PDE10A: variants seen among roughly 807,000 people sequenced by gnomAD.
The protein encoded by PDE10A is phosphodiesterase 10A, also known as cAMP and cAMP-inhibited cGMP 3',5'-cyclic phosphodiesterase 10A.
PDE10A carries 39 observed loss-of-function variants against 97.7 expected under a neutral mutation model. The ratio of observed to expected loss-of-function variants is 0.40; its 90% CI spans 0.31 to 0.52. The LOEUF is 0.52. Ranked by LOEUF, PDE10A falls within the 20% of genes least tolerant of loss-of-function variation. The pLI is 0.56. For synonymous variants in PDE10A, 371 were observed against 376.8 expected, an observed-to-expected ratio of 0.98 and a Z score of 0.18; for missense variants, 731 against 1,047.8, an observed-to-expected ratio of 0.70 and a Z score of 4.17.
intron 1 of PDE10A, among the ~76,000 whole-genome samples, chr6:165,620,177 G>A (rs555908923): frequency 3.9e-5 from 6 of 152,128 alleles, no homozygotes; most frequent in South Asian, 4.2e-4. Flanking sequence ...CTCCACTTCC[G>A]GGCCACGATA....
chr6:165,809,782 G>A (rs1051653651), intron 1 of PDE10A, among the ~76,000 whole-genome samples: 1 of 152,184 alleles, frequency 6.6e-6, no homozygotes, highest in Non-Finnish European at 1.5e-5. Flanking sequence ...AAGGCACATG[G>A]AAGGCATATT....
chr6:165,385,332 CG>C (rs971815357), intron 17 of PDE10A, among the ~76,000 whole-genome samples: 71 of 150,610 alleles, frequency 4.7e-4, no homozygotes, highest in African/African-American at 1.7e-3. Flanking sequence ...AAGCACAATT[CG>C]GGCATACTGA....
chr6:165,443,698 T>C (rs1790640351), intron 5 of PDE10A, among the ~76,000 whole-genome samples: 1 of 152,212 alleles, frequency 6.6e-6, no homozygotes, highest in Non-Finnish European at 1.5e-5. Flanking sequence ...TGCCTGGATA[T>C]CCAGGCATTT....
At chr6:165,877,680 T>A (rs1000221354) in intron 1 of PDE10A, among the ~76,000 whole-genome samples, 2 of 152,134 alleles carry the variant, frequency 1.3e-5, no homozygotes, top group African/African-American at 2.4e-5. Flanking sequence ...AAAAATCTTA[T>A]CTTAATGTGA....
At chr6:165,498,759 G>A (rs1780699930) in intron 2 of PDE10A, among the ~76,000 whole-genome samples, 1 of 152,168 alleles carries the variant, frequency 6.6e-6, no homozygotes, top group Non-Finnish European at 1.5e-5. Context: ...GTCATGTGCT[G>A]TAAAAGTTCC....
intron 1 of PDE10A, among the ~76,000 whole-genome samples, chr6:165,570,108 T>C (rs1177816949): frequency 6.6e-6 from 1 of 152,172 alleles, no homozygotes; most frequent in Admixed American, 6.5e-5. Context: ...TTTAAGAAGA[T>C]GATTAAGTAA....
At chr6:165,770,791 C>A (rs1195875515) in intron 1 of PDE10A, among the ~76,000 whole-genome samples, 1 of 152,194 alleles carries the variant, frequency 6.6e-6, no homozygotes, top group Non-Finnish European at 1.5e-5. Context: ...ACTCTCGAAC[C>A]ATTTGAGGTC....
At chr6:165,483,244 T>A (rs1478762226) in intron 2 of PDE10A, among the ~76,000 whole-genome samples, 11 of 152,242 alleles carry the variant, frequency 7.2e-5, no homozygotes, top group Admixed American at 7.2e-4. Context: ...CAAACCCTGT[T>A]GTCTGTCACC....
At chr6:165,546,494 C>T (rs780891362) in intron 1 of PDE10A, among the ~76,000 whole-genome samples, 1 of 152,040 alleles carries the variant, frequency 6.6e-6, no homozygotes, top group Non-Finnish European at 1.5e-5. Flanking sequence ...AAATGTATTA[C>T]ACATGTAATA....
At chr6:165,954,155 C>T (rs896496638) in intron 1 of PDE10A, among the ~76,000 whole-genome samples, 9 of 152,220 alleles carry the variant, frequency 5.9e-5, no homozygotes, top group South Asian at 2.1e-4. Flanking sequence ...TTTACCTAAC[C>T]GAGGGTATCC....
intron 1 of PDE10A, among the ~76,000 whole-genome samples, chr6:165,824,358 G>A (rs529806018): frequency 5.8e-4 from 89 of 152,268 alleles, no homozygotes; most frequent in African/African-American, 1.9e-3. Context: ...ATAGCATGTC[G>A]AAATTTTCAA....
chr6:165,577,968 G>A lies in PDE10A; in HGVS notation c.866-34400C>T, dbSNP rs148740578. Reference sequence around the variant, plus strand: ...CATGGGCCCTGCCACTCCTTGCACCGGGTCACCTCTGTGCCATCTCCACAG... The same window carrying A: ...CATGGGCCCTGCCACTCCTTGCACCAGGTCACCTCTGTGCCATCTCCACAG... On this transcript the variant is annotated intron_variant, in intron 1 of 21. Coordinates refer to ENST00000539869, the MANE Select transcript of PDE10A (RefSeq NM_001385079.1). Among the ~76,000 whole-genome samples, 24 of 152,192 alleles carry A rather than the reference G, an allele frequency of 1.6e-4. No individual in the cohort carries two copies. In the East Asian group the frequency reaches 3.9e-3, roughly 25 times the overall value.
chr6:165,446,823 A>C (rs1790881706), intron 5 of PDE10A, among the ~76,000 whole-genome samples: 1 of 152,160 alleles, frequency 6.6e-6, no homozygotes, highest in Non-Finnish European at 1.5e-5. Context: ...GATGCGGGAA[A>C]GAAAGAAGGA....
rs1789893351 is a variant in PDE10A, at chr6:165,655,425, C to T, written c.865+6522G>A. 6.6e-6 allele frequency among the ~76,000 whole-genome samples: 1 copy of T among 152,086 alleles called. No homozygotes were observed. Among genetic ancestry groups the T allele is most frequent in the South Asian group, 2.1e-4 (1 of 4,824 alleles). On this transcript the variant is annotated intron_variant, in intron 1 of 21. Coordinates refer to ENST00000539869, the MANE Select transcript of PDE10A (RefSeq NM_001385079.1). The surrounding 1 kb of genome is among the most constrained non-coding windows in gnomAD (Gnocchi z 4.5). Reference sequence around the variant, plus strand: ...CCATCCCAATCCCAGTGAACAGCCCCACCATTTACCCAATCTTTCCAGCCA... The same window carrying T: ...CCATCCCAATCCCAGTGAACAGCCCTACCATTTACCCAATCTTTCCAGCCA...
At chr6:165,818,156 A>G (rs1410172756) in intron 1 of PDE10A, among the ~76,000 whole-genome samples, 1 of 152,174 alleles carries the variant, frequency 6.6e-6, no homozygotes, top group Non-Finnish European at 1.5e-5. Flanking sequence ...GTTGATTGCA[A>G]GCTTTCATCT....
chr6:165,890,076 ACTCACTC>A (rs1260262793), intron 1 of PDE10A, among the ~76,000 whole-genome samples: 2 of 75,610 alleles, frequency 2.6e-5, no homozygotes, highest in Non-Finnish European at 2.7e-5. Context: ...CTCACTCCTC[ACTCACTC>A]CTCACTCCTC....
chr6:165,701,750 T>C (rs1332212769), intron 1 of PDE10A, among the ~76,000 whole-genome samples: 2 of 151,810 alleles, frequency 1.3e-5, no homozygotes, highest in Non-Finnish European at 1.5e-5. Context: ...TGTGCATGTG[T>C]GTATGTTTGC....
intron 1 of PDE10A, among the ~76,000 whole-genome samples, chr6:165,820,781 T>C (rs1306604016): frequency 1.3e-5 from 2 of 152,258 alleles, no homozygotes; most frequent in African/African-American, 4.8e-5. Context: ...GGAAGGCTCT[T>C]GCCATGTTTA....
At chr6:165,835,918 G>T (rs1370263053) in intron 1 of PDE10A, among the ~76,000 whole-genome samples, 1 of 152,186 alleles carries the variant, frequency 6.6e-6, no homozygotes, top group Non-Finnish European at 1.5e-5. Flanking sequence ...GTTTGCTCTA[G>T]TTCAGCCTCG....
Sources: gnomAD v4.1 joint callset for allele counts (sites outside exome capture counted in the v4.1 genomes callset) on GRCh38, gnomAD v4.1.1 for gene constraint, Gnocchi (gnomAD v3.1) non-coding constraint, MANE v1.5 for transcripts, NCBI Gene and HGNC (gene_info 2026-07-23, HGNC 2026-07-21) for gene names.